The following ATP8A2 variants were observed in gnomAD, a reference collection of about 807,000 sequenced individuals.
The protein encoded by ATP8A2 is phospholipid-transporting ATPase IB.
ATP8A2 carries 100 observed loss-of-function variants against 165.6 expected under a neutral mutation model. That is an observed-to-expected ratio of 0.60 (90% CI 0.51 to 0.71). The LOEUF is 0.71. ATP8A2 is among the 30% of genes least tolerant of loss of function. The pLI is 0.00. For missense variants in ATP8A2, 1,227 were observed against 1,479.5 expected, an observed-to-expected ratio of 0.83 and a Z score of 2.80; for synonymous variants, 543 against 548.8, an observed-to-expected ratio of 0.99 and a Z score of 0.15.
intron 19 of ATP8A2, among the ~76,000 whole-genome samples, chr13:25,576,466 G>A (rs183058298): frequency 6.6e-6 from 1 of 152,236 alleles, no homozygotes; most frequent in African/African-American, 2.4e-5. Context: ...TGGACGGAGA[G>A]CAGTAAGAAG....
intron 25 of ATP8A2, among the ~76,000 whole-genome samples, chr13:25,722,584 C>T (rs2043404738): frequency 6.6e-6 from 1 of 152,144 alleles, no homozygotes; most frequent in South Asian, 2.1e-4. Context: ...CCATATCATC[C>T]AGAAGGGACT....
chr13:25,656,236 G>A (rs2041923818), intron 24 of ATP8A2, among the ~76,000 whole-genome samples: 1 of 152,002 alleles, frequency 6.6e-6, no homozygotes, highest in African/African-American at 2.4e-5. Context: ...TTAGCAAAAT[G>A]AAGTGATTCC....
chr13:26,017,213 G>A lies in ATP8A2; in HGVS notation c.3470-2675G>A, dbSNP rs370181211. 1.6e-3 allele frequency among the ~76,000 whole-genome samples: 229 copies of A among 144,284 alleles called. 1 individual carries two copies. The highest frequency in any genetic ancestry group is 6.3e-3 in the African/African-American group (216 of 34,540). The allele number at this position is 144,284 out of a possible 152,430, so 94.7% of individuals were successfully genotyped here. A position where few individuals can be genotyped will look rare whatever the true frequency, so the allele number is the denominator to read the frequency against. ...TTCTGTAGGACTGAGGAGCAGCCCC[G>A]GGAGTGGTGCAGCAGCTGTGGAGCC... is the stretch of plus-strand genomic sequence containing the variant. On this transcript the variant is annotated intron_variant, in intron 36 of 36. Coordinates refer to ENST00000381655, the MANE Select transcript of ATP8A2 (RefSeq NM_016529.6).
intron 1 of ATP8A2, among the ~76,000 whole-genome samples, chr13:25,391,776 C>A (rs549002040): frequency 6.6e-6 from 1 of 152,138 alleles, no homozygotes; most frequent in African/African-American, 2.4e-5. Context: ...ATACAGAGGC[C>A]GTACAGAAGG....
rs760943112 is a variant in ATP8A2, at chr13:25,532,330, G to C, written c.466+13G>C. The C allele has an allele frequency of 1.9e-6, 3 of 1,601,136 alleles. No individual in the cohort carries two copies. The highest frequency in any genetic ancestry group is 1.7e-4 in the Middle Eastern group (1 of 6,024). On this transcript the variant is annotated intron_variant, in intron 5 of 36. Transcript: ENST00000381655. ...AAGAAAACAATAGGTAAGATCCCAGGCTGAAGGACTTTTTCCACTGGAAAA... is the reference window on the plus strand; with the variant it reads ...AAGAAAACAATAGGTAAGATCCCAGCCTGAAGGACTTTTTCCACTGGAAAA...
intron 2 of ATP8A2, among the ~76,000 whole-genome samples, chr13:25,515,117 C>T (rs895729115): frequency 2.0e-5 from 3 of 152,186 alleles, no homozygotes; most frequent in African/African-American, 7.2e-5. Context: ...GGAGCTCCTC[C>T]TGCCCGACAA....
intron 27 of ATP8A2, among the ~76,000 whole-genome samples, chr13:25,820,028 A>G (rs1951134040): frequency 6.6e-6 from 1 of 152,204 alleles, no homozygotes; most frequent in South Asian, 2.1e-4. Context: ...GAAAGAGCAG[A>G]GTAAATAGAA....
At chr13:25,821,646 A>G (rs1951184365) in intron 27 of ATP8A2, among the ~76,000 whole-genome samples, 3 of 152,198 alleles carry the variant, frequency 2.0e-5, no homozygotes, top group South Asian at 4.1e-4. Flanking sequence ...TAAGTTTTGT[A>G]TCGGGTTGAC....
intron 1 of ATP8A2, among the ~76,000 whole-genome samples, chr13:25,376,963 G>A (rs541183121): frequency 5.9e-5 from 9 of 152,288 alleles, no homozygotes; most frequent in Non-Finnish European, 1.0e-4. Context: ...TCTGTTGAAA[G>A]AAGTCCTGAC....
chr13:25,469,496 A>T (rs1445380380), intron 2 of ATP8A2, among the ~76,000 whole-genome samples: 1 of 152,132 alleles, frequency 6.6e-6, no homozygotes, highest in Non-Finnish European at 1.5e-5. Context: ...AGCAATTTTT[A>T]GACCATACTA....
At chr13:25,827,815 G>C (rs56065810) in intron 27 of ATP8A2, among the ~76,000 whole-genome samples, 1,835 of 152,298 alleles carry the variant, frequency 0.012, 44 homozygotes, top group African/African-American at 0.039. Context: ...GACTCCTCCA[G>C]TCAATGAGAA....
At chr13:25,412,825 AT>A (rs776953664) in intron 1 of ATP8A2, among the ~76,000 whole-genome samples, 11 of 152,138 alleles carry the variant, frequency 7.2e-5, no homozygotes, top group South Asian at 2.1e-4. Flanking sequence ...AAATGGATCA[AT>A]TTTTTTTGGG....
chr13:25,831,938 A>AT (rs1049825518), intron 28 of ATP8A2, among the ~76,000 whole-genome samples: 11 of 150,706 alleles, frequency 7.3e-5, no homozygotes, highest in African/African-American at 1.7e-4. Flanking sequence ...CAATTTCTTT[A>AT]TTTTTTTTTA....
intron 27 of ATP8A2, among the ~76,000 whole-genome samples, chr13:25,790,836 A>T (rs936327934): frequency 6.6e-6 from 1 of 152,208 alleles, no homozygotes; most frequent in Non-Finnish European, 1.5e-5. Context: ...GTGAAATACC[A>T]TCTGACACCA....
At chr13:25,996,344 TTAA>T in intron 35 of ATP8A2, among the ~76,000 whole-genome samples, 1 of 152,334 alleles carries the variant, frequency 6.6e-6, no homozygotes, top group East Asian at 1.9e-4. Context: ...CTACATACAT[TTAA>T]AACCATATCA....
intron 28 of ATP8A2, among the ~76,000 whole-genome samples, chr13:25,828,719 C>G (rs773601993): frequency 7.2e-5 from 11 of 152,300 alleles, no homozygotes; most frequent in Non-Finnish European, 1.5e-4. Flanking sequence ...ATCAGCTCAT[C>G]TGGTATTTTT....
intron 25 of ATP8A2, among the ~76,000 whole-genome samples, chr13:25,735,864 A>G (rs2043756854): frequency 6.6e-6 from 1 of 152,242 alleles, no homozygotes; most frequent in African/African-American, 2.4e-5. Flanking sequence ...CAGTAGGTAC[A>G]GTAATATCCT....
chr13:25,769,047 G>A lies in ATP8A2; in HGVS notation c.2386G>A (p.Val796Met), dbSNP rs2044558327. 1.2e-6 allele frequency: 2 copies of A among 1,613,928 alleles called. No individual in the cohort carries two copies. Among genetic ancestry groups the A allele is most frequent in the Admixed American group, 1.7e-5 (1 of 60,004 alleles). The change falls in exon 26 of 37, where the codon GTG becomes ATG. Residue 796 changes from valine to methionine, a missense_variant and splice_region_variant. Val to Met is a conservative substitution (Grantham distance 21). Coordinates refer to ENST00000381655, the MANE Select transcript of ATP8A2 (RefSeq NM_016529.6). ...LSCKAVICCR[V>M]SPLQKSEIVD... ...TGATTTCCCTCTCTTTTCTCACAGA[G>A]TGTCTCCTCTGCAGAAGTCTGAGAT... is the stretch of plus-strand genomic sequence containing the variant.
In ATP8A2 at chr13:26,024,564, C is replaced by T. The variant is rs1021968155; in HGVS notation, c.*4579C>T. On this transcript the variant is annotated 3_prime_UTR_variant, in exon 37 of 37. Coordinates refer to ENST00000381655, the MANE Select transcript of ATP8A2 (RefSeq NM_016529.6). ...CAGAAAAGAAGGGCGAGCTCCCCCG[C>T]GCCGCACCCCGTGTATAATCCAGTG... 1 of 152,284 alleles carries T rather than the reference C, an allele frequency of 6.6e-6. No homozygotes were observed. The highest frequency in any genetic ancestry group is 1.5e-5 in the Non-Finnish European group (1 of 68,098). The allele number at this position is 152,284 out of a possible 1,614,324, so 9.4% of individuals were successfully genotyped here. A position where few individuals can be genotyped will look rare whatever the true frequency, so the allele number is the denominator to read the frequency against.
Sources: allele counts gnomAD v4.1 joint callset (sites outside exome capture counted in the v4.1 genomes callset), GRCh38; gene constraint gnomAD v4.1.1; transcripts MANE v1.5; gene names NCBI Gene and HGNC (gene_info 2026-07-23, HGNC 2026-07-21).